Variants in ZNF85 observed in about 807,000 individuals in gnomAD.
ZNF85 encodes the protein zinc finger protein 85, also known as zinc finger protein 85 (HPF4, HTF1).
A neutral mutation model predicts 53.9 loss-of-function variants in ZNF85; 50 were observed. That is an observed-to-expected ratio of 0.93 (90% CI 0.74 to 1.17). The LOEUF (loss-of-function observed/expected upper bound fraction) is 1.17. Ranked by LOEUF, ZNF85 falls within the 50% of genes most tolerant of loss-of-function variation. ZNF85 has a pLI of 0.00. For synonymous variants in ZNF85, 225 were observed against 226.1 expected (o/e 1.00, Z 0.04); for missense variants, 747 against 688.5 (o/e 1.08, Z -0.95).
chr19:20,947,409 T>G (rs550144881), intron 3 of ZNF85, among the ~76,000 whole-genome samples: 1 of 151,406 alleles, frequency 6.6e-6, no homozygotes, highest in Admixed American at 6.6e-5. Context: ...TATGCATTTT[T>G]ATGTAATAAT....
chr19:20,948,868 T>A lies in ZNF85; in HGVS notation c.354T>A (p.Cys118Ter). Residue 118 changes from cysteine (C) to a stop codon, truncating the protein, a stop_gained, in exon 4 of 4, where the codon TGT (cysteine) becomes TGA (stop). Coordinates refer to ENST00000328178, the MANE Select transcript of ZNF85 (RefSeq NM_003429.5). LOFTEE classifies it high-confidence loss of function. ...AAAATTTACCATTAAGAAAAGGCTGTGAAAGTATGGATGAGTGTAAGATGC... is the reference window on the plus strand; with the variant it reads ...AAAATTTACCATTAAGAAAAGGCTGAGAAAGTATGGATGAGTGTAAGATGC... ...RHENLPLRKG[C>*]ESMDECKMHK... is the part of the protein sequence containing the mutation. The A allele has an allele frequency of 6.2e-7, 1 of 1,613,500 alleles. No homozygotes were observed. Among genetic ancestry groups the A allele is most frequent in the Non-Finnish European group, 8.5e-7 (1 of 1,179,736 alleles).
Position 20,934,086 on chromosome 19 carries a change from C to T in ZNF85, c.66C>T (p.Asp22=). ...CTCTGAAGGAGTGGCAATGCCTGGA[C>T]ACTGCACAGCGGAATTTATATAGAA... ...EFSLKEWQCL[D]TAQRNLYRNV... is the part of the protein sequence containing the mutation. The change falls in exon 2 of 4, where the codon GAC becomes GAT. Residue 22 remains aspartate (D), a synonymous_variant. Transcript: ENST00000328178. 1 of 1,612,742 alleles carries T rather than the reference C, an allele frequency of 6.2e-7. No homozygotes were observed. Among genetic ancestry groups the T allele is most frequent in the Non-Finnish European group, 8.5e-7 (1 of 1,179,342 alleles).
At position 20,949,235 on chromosome 19, in the gene ZNF85, C is replaced by A. The variant is rs371230149; in HGVS notation, c.721C>A (p.Gln241Lys). The change falls in exon 4 of 4, where the codon CAG becomes AAG. Residue 241 changes from glutamine to lysine, a missense_variant. Coordinates refer to ENST00000328178, the MANE Select transcript of ZNF85 (RefSeq NM_003429.5). Reference sequence around the variant, plus strand: ...TGAAGAATGTGGTAAAGCCTTTAACCAGTCCTCAAACCTTATTAAACATAA... The same window carrying A: ...TGAAGAATGTGGTAAAGCCTTTAACAAGTCCTCAAACCTTATTAAACATAA... ...KCEECGKAFN[Q>K]SSNLIKHKKI... The A allele has an allele frequency of 1.1e-5, 17 of 1,612,684 alleles. No homozygotes were observed. Among genetic ancestry groups the A allele is most frequent in the Non-Finnish European group, 1.4e-5 (16 of 1,179,486 alleles).
intron 1 of ZNF85, among the ~76,000 whole-genome samples, chr19:20,930,477 CAG>C (rs1972990077): frequency 6.6e-6 from 1 of 151,980 alleles, no homozygotes; most frequent in Non-Finnish European, 1.5e-5. Context: ...AAATCAATGA[CAG>C]AGAAACAAGA....
At chr19:20,933,872 T>G in intron 1 of ZNF85, 152 bp from the exon 2 acceptor site, 1 of 765,190 alleles carries the variant, frequency 1.3e-6, no homozygotes, top group Non-Finnish European at 1.9e-6. Context: ...TTTTAGTCAC[T>G]CCTGTAAGTC....
chr19:20,946,848 T>C (rs1462524204), intron 3 of ZNF85, among the ~76,000 whole-genome samples: 1 of 151,992 alleles, frequency 6.6e-6, no homozygotes, highest in Non-Finnish European at 1.5e-5. Flanking sequence ...CTGACTCTTG[T>C]AGAAAGGCAA....
intron 1 of ZNF85, 25 bp from the exon 2 acceptor site, chr19:20,933,981 GTGTGTGTGTGTGTGTGTA>G (rs761715345): frequency 8.3e-6 from 11 of 1,331,150 alleles, no homozygotes; most frequent in South Asian, 3.9e-5. Flanking sequence ...GTGTGTGTGT[GTGTGTGTGTGTGTGTGTA>G]TGTGTATGTG....
intron 3 of ZNF85, among the ~76,000 whole-genome samples, chr19:20,941,980 T>C (rs559493612): frequency 6.6e-6 from 1 of 152,348 alleles, no homozygotes; most frequent in East Asian, 1.9e-4. Flanking sequence ...CTTATCCATG[T>C]TGATATCCAG....
chr19:20,937,541 C>T (rs1283945966), intron 3 of ZNF85, among the ~76,000 whole-genome samples: 1 of 152,078 alleles, frequency 6.6e-6, no homozygotes, highest in Non-Finnish European at 1.5e-5. Flanking sequence ...ACTGAATATC[C>T]TTCAGGACTT....
In ZNF85 at chr19:20,924,466, G is replaced by A. The variant is rs190163560; in HGVS notation, c.3+1063G>A. Among the ~76,000 whole-genome samples the A allele has an allele frequency of 5.4e-4, 82 of 152,256 alleles. 1 individual carries two copies. Among genetic ancestry groups the A allele is most frequent in the African/African-American group, 1.9e-3 (81 of 41,550 alleles). On this transcript the variant is annotated intron_variant, in intron 1 of 3. Transcript: ENST00000328178. ...TAGAGCCACCTCAGTCTAATTGCCT[G>A]CCACTGAATCATTTTCACAGTCCAC... is the stretch of plus-strand genomic sequence containing the variant.
Position 20,949,815 on chromosome 19 carries a change from C to T in ZNF85, c.1301C>T (p.Ala434Val). The change falls in exon 4 of 4, where the codon GCT becomes GTT. Residue 434 changes from alanine (A) to valine (V), a missense_variant. By Grantham distance (64) the Ala-to-Val change is moderately conservative (BLOSUM62 0). Coordinates refer to ENST00000328178, the MANE Select transcript of ZNF85 (RefSeq NM_003429.5). ...TACAAATGTAAAGAATGTGAAAAAG[C>T]TTTTAACCAATCCTCAAAACTTACT... ...KPYKCKECEK[A>V]FNQSSKLTEH... 1.2e-6 allele frequency: 2 copies of T among 1,612,000 alleles called. No homozygotes were observed. Among genetic ancestry groups the T allele is most frequent in the Non-Finnish European group, 1.7e-6 (2 of 1,179,020 alleles).
rs1972800104 is a variant in ZNF85, at chr19:20,923,340, G to A, written c.-61G>A. ...GTGGACGCCCAGCCTCTGTGGCCCT[G>A]TGGCCTGCAGGTATTGGGAGATCCA... On this transcript the variant is annotated 5_prime_UTR_variant, in exon 1 of 4. It adds an upstream start codon to the 5' untranslated region. Coordinates refer to ENST00000328178, the MANE Select transcript of ZNF85 (RefSeq NM_003429.5). 3 of 1,613,068 alleles carry A rather than the reference G, an allele frequency of 1.9e-6. No individual in the cohort carries two copies. The highest frequency in any genetic ancestry group is 2.5e-6 in the Non-Finnish European group (3 of 1,179,370).
At chr19:20,940,532 G>A (rs1024842560) in intron 3 of ZNF85, among the ~76,000 whole-genome samples, 6 of 129,200 alleles carry the variant, frequency 4.6e-5, no homozygotes, top group South Asian at 4.9e-4. Flanking sequence ...GTGAGACCCT[G>A]TCTCCAAAAA....
At chr19:20,942,738 C>G in intron 3 of ZNF85, 2 of 664,520 alleles carry the variant, frequency 3.0e-6, no homozygotes, top group South Asian at 1.6e-5. Context: ...AGAAAACACA[C>G]AGTGTATAAT....
Position 20,934,906 on chromosome 19 carries a change from A to G in ZNF85, c.131-43A>G, listed in dbSNP as rs1249737140. 2.1e-6 allele frequency: 3 copies of G among 1,406,728 alleles called. No individual in the cohort carries two copies. In the Admixed American group the frequency reaches 5.6e-5, roughly 26 times the overall value. 87.1% of individuals were successfully genotyped at this position (1,406,728 alleles called of 1,614,324 possible). On this transcript the variant is annotated intron_variant, in intron 2 of 3. Coordinates refer to ENST00000328178, the MANE Select transcript of ZNF85 (RefSeq NM_003429.5). ...AGCACATTACTAGATTGGTCATTAG[A>G]GAATATGAGCAAGATTTATATTATT...
rs1220990641 is a variant in ZNF85 at position 20,934,254 on chromosome 19, T to G, written c.130+104T>G. 4.2e-6 allele frequency: 6 copies of G among 1,426,606 alleles called. No homozygotes were observed. The South Asian group carries it at 6.7e-5, about 16-fold the overall frequency. 88.4% of individuals were successfully genotyped at this position (1,426,606 alleles called of 1,614,324 possible). On this transcript the variant is annotated intron_variant, in intron 2 of 3. Transcript: ENST00000328178. ...AAAGTGTGCTTTGCATAAATTAGTT[T>G]CAGATCCCTGTTTTCAAGAAAATCT...
intron 3 of ZNF85, among the ~76,000 whole-genome samples, chr19:20,948,048 A>AAT (rs1163329193): frequency 6.6e-6 from 1 of 152,118 alleles, no homozygotes; most frequent in Non-Finnish European, 1.5e-5. Flanking sequence ...CAATCTTTAT[A>AAT]ATATAGCTTT....
At position 20,949,671 on chromosome 19, in the gene ZNF85, C is replaced by G. The variant is rs773946789; in HGVS notation, c.1157C>G (p.Thr386Ser). 1.4e-5 allele frequency: 22 copies of G among 1,613,220 alleles called. No homozygotes were observed. The highest frequency in any genetic ancestry group is 1.9e-5 in the Non-Finnish European group (22 of 1,179,630). ...GCCTTTAATCATTTCTCACACCTTA[C>G]TACACATAAGATAATTCATACTGGA... ...GKAFNHFSHL[T>S]THKIIHTGEK... Residue 386 changes from threonine (T) to serine (S), a missense_variant, in exon 4 of 4, where the codon ACT (threonine) becomes AGT (serine). Coordinates refer to ENST00000328178, the MANE Select transcript of ZNF85 (RefSeq NM_003429.5).
rs779959862 is a variant in ZNF85, at chr19:20,948,809, G to A, written c.295G>A (p.Val99Met). 5 of 1,609,722 alleles carry A rather than the reference G, an allele frequency of 3.1e-6. No homozygotes were observed. Among genetic ancestry groups the A allele is most frequent in the Non-Finnish European group, 4.2e-6 (5 of 1,178,768 alleles). The change falls in exon 4 of 4, where the codon GTG becomes ATG. Residue 99 changes from valine to methionine, a missense_variant. Coordinates refer to ENST00000328178, the MANE Select transcript of ZNF85 (RefSeq NM_003429.5). ...GAATATAAAAGATTCTTTCCAAAAA[G>A]TGACACTGAAAAGATATGGAAAATG... ...EQNIKDSFQK[V>M]TLKRYGKCRH...
Sources: gnomAD v4.1 joint callset for allele counts (sites outside exome capture counted in the v4.1 genomes callset) on GRCh38, gnomAD v4.1.1 for gene constraint, MANE v1.5 for transcripts, NCBI Gene and HGNC (gene_info 2026-07-23, HGNC 2026-07-21) for gene names.